The following COBL variants were observed in gnomAD, a reference collection of about 807,000 sequenced individuals.
COBL encodes the protein cordon-bleu WH2 repeat protein, also known as protein cordon-bleu.
Under a neutral mutation model 98.8 loss-of-function variants are expected in COBL, and 51 were observed. That is an observed-to-expected ratio of 0.52 (90% CI 0.41 to 0.65). The LOEUF (loss-of-function observed/expected upper bound fraction) is 0.65, where lower values mean the gene tolerates loss of function less well. Ranked by LOEUF, COBL falls within the 30% of genes least tolerant of loss-of-function variation. The pLI, the probability that COBL is intolerant of heterozygous loss-of-function variation, is 0.00. For missense variants in COBL, 1,617 were observed against 1,617.5 expected, an observed-to-expected ratio of 1.00 and a Z score of 0.01; for synonymous variants, 634 against 651.7, an observed-to-expected ratio of 0.97 and a Z score of 0.41.
chr7:51,017,685 C>G, intron 12 of COBL, 117 bp from the exon 13 acceptor site: 1 of 1,071,516 alleles, frequency 9.3e-7, no homozygotes, highest in Non-Finnish European at 1.4e-6. Flanking sequence ...CTGGAACCCC[C>G]TTCCCAGTTC....
chr7:51,232,570 G>C (rs1209384197), intron 1 of COBL, among the ~76,000 whole-genome samples: 1 of 152,216 alleles, frequency 6.6e-6, no homozygotes, highest in African/African-American at 2.4e-5. Context: ...CCAGTACTTT[G>C]GGAGGCCAAG....
At chr7:51,275,766 G>A (rs1284271223) in intron 1 of COBL, among the ~76,000 whole-genome samples, 1 of 152,186 alleles carries the variant, frequency 6.6e-6, no homozygotes. Context: ...AGCCCAGAAG[G>A]CTGGCGATTC....
chr7:51,298,896 A>G (rs1801656252), intron 1 of COBL, among the ~76,000 whole-genome samples: 1 of 152,228 alleles, frequency 6.6e-6, no homozygotes, highest in Non-Finnish European at 1.5e-5. Flanking sequence ...TTGTCCGAGC[A>G]CATAAGCCCT....
chr7:51,046,875 C>CT (rs1253449614), intron 7 of COBL, among the ~76,000 whole-genome samples: 1 of 152,200 alleles, frequency 6.6e-6, no homozygotes, highest in Admixed American at 6.5e-5. Context: ...GAACAATCCC[C>CT]TTTCCCCTTT....
chr7:51,249,921 G>C (rs1416905757), intron 1 of COBL, among the ~76,000 whole-genome samples: 1 of 152,112 alleles, frequency 6.6e-6, no homozygotes, highest in Non-Finnish European at 1.5e-5. Context: ...GGCCAATGTG[G>C]GGAAACCCTG....
At chr7:51,102,490 A>G (rs1795894721) in intron 6 of COBL, among the ~76,000 whole-genome samples, 1 of 152,136 alleles carries the variant, frequency 6.6e-6, no homozygotes, top group Admixed American at 6.5e-5. Context: ...TCTATACCTC[A>G]CTCTGGGAGT....
chr7:51,211,571 C>T (rs751186177), intron 2 of COBL, among the ~76,000 whole-genome samples: 14 of 152,322 alleles, frequency 9.2e-5, no homozygotes, highest in East Asian at 3.9e-4. Flanking sequence ...GTAAGGCATT[C>T]GCCTAGCTCA....
intron 1 of COBL, among the ~76,000 whole-genome samples, chr7:51,289,743 C>T (rs1800712110): frequency 6.6e-6 from 1 of 152,238 alleles, no homozygotes; most frequent in African/African-American, 2.4e-5. Flanking sequence ...AAGTAATTAC[C>T]TTTCAGTGCC....
At chr7:51,307,781 T>C (rs1802628210) in intron 1 of COBL, among the ~76,000 whole-genome samples, 2 of 152,172 alleles carry the variant, frequency 1.3e-5, no homozygotes, top group Non-Finnish European at 2.9e-5. Context: ...ACCAATCAAA[T>C]ATTTCTGAGA....
At chr7:51,277,691 C>T (rs1188979418) in intron 1 of COBL, among the ~76,000 whole-genome samples, 7 of 152,080 alleles carry the variant, frequency 4.6e-5, no homozygotes, top group Non-Finnish European at 4.4e-5. Flanking sequence ...ATACTCTGCC[C>T]ATTGTAGTTT....
intron 1 of COBL, 47 bp downstream of exon 1, chr7:51,316,546 C>T: frequency 8.3e-7 from 1 of 1,201,650 alleles, no homozygotes; most frequent in Non-Finnish European, 1.0e-6. Flanking sequence ...GGCGTCCGAG[C>T]CCAGGGAAGC....
chr7:51,232,551 C>A (rs1042213486), intron 1 of COBL, among the ~76,000 whole-genome samples: 3 of 152,138 alleles, frequency 2.0e-5, no homozygotes, highest in Admixed American at 6.5e-5. Context: ...GTGGCTCACA[C>A]CTGCAATCCC....
At chr7:51,105,554 G>C (rs1208644795) in intron 6 of COBL, among the ~76,000 whole-genome samples, 2 of 152,158 alleles carry the variant, frequency 1.3e-5, no homozygotes, top group Admixed American at 6.5e-5. Flanking sequence ...TTTGAGACCA[G>C]CCTGGGCAAC....
intron 8 of COBL, chr7:51,033,496 T>G (rs992513674): frequency 6.6e-6 from 1 of 152,234 alleles, no homozygotes; most frequent in Non-Finnish European, 1.5e-5. Flanking sequence ...TGTTAGCATG[T>G]TATGTGAAGA....
At chr7:51,020,404 G>A (rs1205327779) in intron 12 of COBL, among the ~76,000 whole-genome samples, 2 of 152,130 alleles carry the variant, frequency 1.3e-5, no homozygotes, top group East Asian at 1.9e-4. Context: ...AGGTCCTGAG[G>A]GCACAGATGA....
chr7:51,268,145 T>C (rs369523446), intron 1 of COBL, among the ~76,000 whole-genome samples: 5 of 152,182 alleles, frequency 3.3e-5, no homozygotes, highest in African/African-American at 1.2e-4. Flanking sequence ...GGGGCACTGT[T>C]CTCGCCCACT....
intron 2 of COBL, among the ~76,000 whole-genome samples, chr7:51,207,854 C>A (rs577805087): frequency 6.6e-6 from 1 of 152,322 alleles, no homozygotes; most frequent in African/African-American, 2.4e-5. Context: ...GCCACCACCC[C>A]GTCTGGGAAG....
intron 1 of COBL, among the ~76,000 whole-genome samples, chr7:51,287,396 T>A (rs1436686564): frequency 6.6e-6 from 1 of 152,234 alleles, no homozygotes; most frequent in African/African-American, 2.4e-5. Context: ...TCGCCATCGT[T>A]AGCCTTTAGG....
intron 5 of COBL, among the ~76,000 whole-genome samples, chr7:51,166,334 CA>C (rs1274732371): frequency 6.6e-6 from 1 of 151,870 alleles, no homozygotes; most frequent in East Asian, 1.9e-4. Context: ...AACAATATGC[CA>C]ATAAATTGAA....
Sources: allele counts gnomAD v4.1 joint callset (sites outside exome capture counted in the v4.1 genomes callset), GRCh38; gene constraint gnomAD v4.1.1; transcripts MANE v1.5; gene names NCBI Gene and HGNC (gene_info 2026-07-23, HGNC 2026-07-21).